DYTN: variants seen among roughly 807,000 people sequenced by gnomAD.
DYTN encodes the protein dystrotelin.
DYTN carries 75 observed loss-of-function variants against 69.6 expected under a neutral mutation model. The observed-to-expected ratio is 1.08, with a 90% CI of 0.89 to 1.31. The LOEUF is 1.31. DYTN is among the 50% of genes most tolerant of loss of function. The probability of loss-of-function intolerance (pLI) is 0.00; values close to 1 mark genes in which losing one functional copy is unlikely to be tolerated. For synonymous variants in DYTN, 252 were observed against 249.1 expected (o/e 1.01, Z -0.11); for missense variants, 726 against 688.4 (o/e 1.05, Z -0.61).
chr2:206,665,891 T>C lies in DYTN; in HGVS notation c.1119A>G (p.Gln373=). The change falls in exon 10 of 12, where the codon CAA becomes CAG. Residue 373 remains glutamine (Q), a synonymous_variant. Coordinates refer to ENST00000452335, the MANE Select transcript of DYTN (RefSeq NM_001093730.1). ...TNQDSLWTKL[Q]QIRRDLQARL... The stretch of plus-strand genomic sequence containing the variant: ...ATACCTGTAGGTCCCGTCTTATCTG[T>C]TGTAGCTTGGTCCATAGACTATCCT... 3 of 1,613,922 alleles carry C rather than the reference T, an allele frequency of 1.9e-6. No homozygotes were observed. The highest frequency in any genetic ancestry group is 2.5e-6 in the Non-Finnish European group (3 of 1,179,838).
intron 7 of DYTN, among the ~76,000 whole-genome samples, chr2:206,696,232 T>G (rs544615510): frequency 6.6e-6 from 1 of 152,130 alleles, no homozygotes; most frequent in African/African-American, 2.4e-5. Context: ...GTAACGAAGA[T>G]TGGGATGAGT....
chr2:206,670,511 A>G (rs1344258868), intron 9 of DYTN: 1 of 152,196 alleles, frequency 6.6e-6, no homozygotes, highest in Admixed American at 6.5e-5. Flanking sequence ...TATGGAGAGC[A>G]TTAATGGATT....
chr2:206,666,132 C>G, intron 9 of DYTN, 103 bp from the exon 10 acceptor site: 1 of 1,411,284 alleles, frequency 7.1e-7, no homozygotes, highest in Non-Finnish European at 9.5e-7. Flanking sequence ...GGAAAAGATG[C>G]TGGAAAACCC....
rs574790815 is a variant in DYTN, at chr2:206,679,848, G to A, written c.980+13327C>T. The stretch of plus-strand genomic sequence containing the variant: ...GAATAGGGTGACCCACAGTTTCTTT[G>A]TAACAAACCTTCTGAATGACAAACT... On this transcript the variant is annotated intron_variant, in intron 9 of 11. Coordinates refer to ENST00000452335, the MANE Select transcript of DYTN (RefSeq NM_001093730.1). Among the ~76,000 whole-genome samples, 110 of 152,262 alleles carry A rather than the reference G, an allele frequency of 7.2e-4. 1 individual carries two copies. Among genetic ancestry groups the A allele is most frequent in the African/African-American group, 2.5e-3 (103 of 41,552 alleles).
chr2:206,661,241 T>G (rs1222392813), intron 11 of DYTN, among the ~76,000 whole-genome samples: 1 of 152,172 alleles, frequency 6.6e-6, no homozygotes, highest in Non-Finnish European at 1.5e-5. Flanking sequence ...TGGTTCTTCG[T>G]TTAAGCCACT....
chr2:206,661,252 G>C (rs1699508291), intron 11 of DYTN, among the ~76,000 whole-genome samples: 1 of 152,180 alleles, frequency 6.6e-6, no homozygotes, highest in South Asian at 2.1e-4. Context: ...TTAAGCCACT[G>C]AATCTGTGTT....
intron 2 of DYTN, among the ~76,000 whole-genome samples, chr2:206,708,968 T>C (rs1322325304): frequency 1.3e-5 from 2 of 152,366 alleles, no homozygotes; most frequent in East Asian, 3.9e-4. Context: ...GAACAATTGC[T>C]GCTAACTTTC....
chr2:206,696,475 T>A (rs890161695), intron 7 of DYTN, among the ~76,000 whole-genome samples: 4 of 152,178 alleles, frequency 2.6e-5, no homozygotes, highest in Non-Finnish European at 5.9e-5. Flanking sequence ...TAATAAATAA[T>A]GTGGGATGAT....
At chr2:206,677,010 G>A (rs1699697631) in intron 9 of DYTN, among the ~76,000 whole-genome samples, 1 of 152,128 alleles carries the variant, frequency 6.6e-6, no homozygotes, top group Non-Finnish European at 1.5e-5. Context: ...GCAGCGGTGT[G>A]ATCTAGGCTT....
At chr2:206,702,074 G>A (rs1487582884) in intron 5 of DYTN, among the ~76,000 whole-genome samples, 3 of 152,108 alleles carry the variant, frequency 2.0e-5, no homozygotes, top group Admixed American at 1.3e-4. Flanking sequence ...ATCACAGCCC[G>A]ACCTTACATA....
At chr2:206,681,805 A>G (rs6744066) in intron 9 of DYTN, among the ~76,000 whole-genome samples, 42,090 of 152,082 alleles carry the variant, frequency 0.28, 7,844 homozygotes, top group African/African-American at 0.53. Flanking sequence ...TTTTTGCATC[A>G]ATGTTCATCA....
intron 9 of DYTN, among the ~76,000 whole-genome samples, chr2:206,674,097 C>T (rs1699656437): frequency 1.3e-5 from 2 of 152,076 alleles, no homozygotes; most frequent in South Asian, 4.1e-4. Flanking sequence ...TCTACTCTTC[C>T]AGAAAAATTA....
At chr2:206,679,865 T>A (rs958247889) in intron 9 of DYTN, among the ~76,000 whole-genome samples, 2 of 152,184 alleles carry the variant, frequency 1.3e-5, no homozygotes, top group African/African-American at 2.4e-5. Context: ...ACCTTCTGAA[T>A]GACAAACTCG....
chr2:206,670,310 A>T (rs920147686), intron 9 of DYTN, among the ~76,000 whole-genome samples: 8 of 152,218 alleles, frequency 5.3e-5, no homozygotes. Flanking sequence ...TAACTACTCA[A>T]ATACAGTCAA....
At chr2:206,652,387 T>C (rs889940691) in intron 11 of DYTN, among the ~76,000 whole-genome samples, 3 of 152,176 alleles carry the variant, frequency 2.0e-5, no homozygotes, top group African/African-American at 4.8e-5. Flanking sequence ...AGTTACCTGA[T>C]TAATGGTTTG....
At chr2:206,697,588 AGT>A (rs1415660429) in intron 7 of DYTN, among the ~76,000 whole-genome samples, 1 of 152,230 alleles carries the variant, frequency 6.6e-6, no homozygotes, top group Non-Finnish European at 1.5e-5. Flanking sequence ...TAGAATCCTA[AGT>A]TTAGAGCTAA....
intron 2 of DYTN, among the ~76,000 whole-genome samples, 161 bp downstream of exon 2, chr2:206,710,363 C>A (rs986330563): frequency 6.6e-6 from 1 of 152,174 alleles, no homozygotes; most frequent in African/African-American, 2.4e-5. Context: ...GATGTTTTCC[C>A]ATCCTCCATC....
At chr2:206,676,262 G>C (rs1250800699) in intron 9 of DYTN, among the ~76,000 whole-genome samples, 2 of 152,198 alleles carry the variant, frequency 1.3e-5, no homozygotes, top group Non-Finnish European at 2.9e-5. Flanking sequence ...AAAAGAATGA[G>C]TTCATGTCCT....
chr2:206,668,419 C>G (rs952062464), intron 9 of DYTN, among the ~76,000 whole-genome samples: 2 of 152,324 alleles, frequency 1.3e-5, no homozygotes, highest in East Asian at 3.8e-4. Context: ...CTAGTAAATA[C>G]AAATCACCTG....
Sources: gnomAD v4.1 joint callset for allele counts (sites outside exome capture counted in the v4.1 genomes callset) on GRCh38, gnomAD v4.1.1 for gene constraint, MANE v1.5 for transcripts, NCBI Gene and HGNC (gene_info 2026-07-23, HGNC 2026-07-21) for gene names.